TMEM243: variants seen among roughly 807,000 people sequenced by gnomAD.
TMEM243 encodes transmembrane protein 243.
A neutral mutation model predicts 15.0 loss-of-function variants in TMEM243; 20 were observed. The observed-to-expected ratio is 1.33, with a 90% CI of 0.94 to 1.93. TMEM243 has a LOEUF of 1.93. Among genes scored for constraint, TMEM243 ranks in the 30% most tolerant of loss-of-function variants. The pLI is 0.00. For missense variants in TMEM243, 156 were observed against 142.1 expected (o/e 1.10, Z -0.50); for synonymous variants, 72 against 52.7 (o/e 1.37, Z -1.59).
chr7:87,199,051 T>G lies in TMEM243; in HGVS notation c.85A>C (p.Ile29Leu). The G allele has an allele frequency of 6.2e-7, 1 of 1,606,156 alleles. No homozygotes were observed. The highest frequency in any genetic ancestry group is 8.5e-7 in the Non-Finnish European group (1 of 1,177,406). ...LFGETSAKDR[I>L]INLVVGSLTS... ...AAGCTGCCAACAACTAAATTGATGA[T>G]TCGATCCTGAAAGAGAAAAGAATTT... Residue 29 changes from isoleucine (I) to leucine (L), a missense_variant, in exon 2 of 4, where the codon ATC becomes CTC. Transcript: ENST00000257637.
intron 1 of TMEM243, among the ~76,000 whole-genome samples, chr7:87,218,047 A>T (rs914676592): frequency 6.6e-5 from 10 of 152,256 alleles, no homozygotes; most frequent in African/African-American, 2.2e-4. Flanking sequence ...AGTTCTTGGG[A>T]CAGATGGACA....
Position 87,196,529 on chromosome 7 carries a change from G to GTATCAGACTTCTGCAGGAGATTC in TMEM243, c.*84_*106dup, listed in dbSNP as rs1801252966. On this transcript the variant is annotated 3_prime_UTR_variant, in exon 4 of 4. Transcript: ENST00000257637. ...CATTTACAATTAACATGAAAATCAT[G>GTATCAGACTTCTGCAGGAGATTC]TATCAGACTTCTGCAGGAGATTCTT... 7 of 1,066,258 alleles carry GTATCAGACTTCTGCAGGAGATTC rather than the reference G, an allele frequency of 6.6e-6. No individual in the cohort carries two copies. In the Admixed American group the frequency reaches 1.8e-4, roughly 28 times the overall value. The allele number at this position is 1,066,258 out of a possible 1,614,324, so 66.0% of individuals were successfully genotyped here. A position where few individuals can be genotyped will look rare whatever the true frequency, so the allele number is the denominator to read the frequency against.
chr7:87,215,332 G>C (rs1803027934), intron 1 of TMEM243, among the ~76,000 whole-genome samples: 1 of 152,008 alleles, frequency 6.6e-6, no homozygotes, highest in African/African-American at 2.4e-5. Flanking sequence ...TCAAAATCCT[G>C]GGCTCAAGTG....
chr7:87,200,711 C>T (rs1017615479), intron 1 of TMEM243, among the ~76,000 whole-genome samples: 12 of 152,170 alleles, frequency 7.9e-5, no homozygotes, highest in Non-Finnish European at 1.6e-4. Context: ...ATGACTGTTT[C>T]ACAGGTAGCA....
At chr7:87,200,385 A>G (rs73208535) in intron 1 of TMEM243, among the ~76,000 whole-genome samples, 5,604 of 152,266 alleles carry the variant, frequency 0.037, 126 homozygotes, top group East Asian at 0.065. Flanking sequence ...ACAAGTCACC[A>G]CTCACTTTAA....
Position 87,207,422 on chromosome 7 carries a change from C to T in TMEM243, c.79-8365G>A, listed in dbSNP as rs1244880709. ...CATCCTGGCTAACACGGTGAAACCC[C>T]GTCTCTACTAAAAATACAAAAAAAT... On this transcript the variant is annotated intron_variant, in intron 1 of 3. Coordinates refer to ENST00000257637, the MANE Select transcript of TMEM243 (RefSeq NM_024315.4). 2.5e-4 allele frequency among the ~76,000 whole-genome samples: 5 copies of T among 20,070 alleles called. 2 individuals are homozygous for T. Among genetic ancestry groups the T allele is most frequent in the African/African-American group, 7.0e-4 (4 of 5,706 alleles). The allele number at this position is 20,070 out of a possible 152,430, so 13.2% of individuals were successfully genotyped here.
intron 1 of TMEM243, among the ~76,000 whole-genome samples, chr7:87,211,150 C>T (rs1231119747): frequency 6.6e-6 from 1 of 152,208 alleles, no homozygotes; most frequent in Non-Finnish European, 1.5e-5. Context: ...TATTAACATT[C>T]AGCTCCTCAA....
intron 3 of TMEM243, among the ~76,000 whole-genome samples, chr7:87,197,004 C>T (rs917737241): frequency 3.3e-5 from 5 of 151,980 alleles, no homozygotes; most frequent in African/African-American, 1.2e-4. Context: ...CTGTATACTC[C>T]ACCAGTCATC....
intron 1 of TMEM243, among the ~76,000 whole-genome samples, chr7:87,209,853 A>AGACAGTGAGAGAGC (rs1351396957): frequency 8.8e-5 from 11 of 124,398 alleles, no homozygotes; most frequent in Non-Finnish European, 1.3e-4. Flanking sequence ...AGTGAGAGCG[A>AGACAGTGAGAGAGC]GAGAGAGAGA....
chr7:87,219,772 C>T, upstream of TMEM243: 1 of 474,510 alleles, frequency 2.1e-6, no homozygotes, highest in Non-Finnish European at 3.8e-6. Flanking sequence ...CTCAGCGGGA[C>T]GCCCCCGCCC....
chr7:87,198,833 T>C (rs1172297869), intron 2 of TMEM243, 174 bp downstream of exon 2: 1 of 557,790 alleles, frequency 1.8e-6, no homozygotes, highest in Non-Finnish European at 3.1e-6. Context: ...CCATTTCACA[T>C]ATTCAACCTG....
At chr7:87,203,716 A>G (rs1348028908) in intron 1 of TMEM243, among the ~76,000 whole-genome samples, 2 of 152,194 alleles carry the variant, frequency 1.3e-5, no homozygotes, top group Non-Finnish European at 2.9e-5. Flanking sequence ...TTTAAGTTCT[A>G]ACTAATAATA....
chr7:87,198,379 C>T (rs1801530155), intron 2 of TMEM243: 1 of 227,986 alleles, frequency 4.4e-6, no homozygotes, highest in Non-Finnish European at 8.5e-6. Flanking sequence ...ATATTTCTAG[C>T]AAAATGAATA....
rs201447298 is a variant in TMEM243 at position 87,209,597 on chromosome 7, TGAGA to T, written c.78+9825_78+9828del. The stretch of plus-strand genomic sequence containing the variant: ...GACAGTGAGAGAGACAGTGAGACAG[TGAGA>T]GAGAGAGAGACAGAGAGAGAGACTG... On this transcript the variant is annotated intron_variant, in intron 1 of 3. Coordinates refer to ENST00000257637, the MANE Select transcript of TMEM243 (RefSeq NM_024315.4). 3.0e-3 allele frequency among the ~76,000 whole-genome samples: 292 copies of T among 97,472 alleles called. 4 individuals carry two copies. Among genetic ancestry groups the T allele is most frequent in the Middle Eastern group, 7.1e-3 (1 of 140 alleles). The allele number at this position is 97,472 out of a possible 152,430, so 63.9% of individuals were successfully genotyped here.
intron 1 of TMEM243, chr7:87,199,337 A>G (rs1801615615): frequency 5.6e-6 from 2 of 355,564 alleles, no homozygotes; most frequent in African/African-American, 2.1e-5. Context: ...GAGGCTTACA[A>G]ATAATGCATG....
intron 1 of TMEM243, among the ~76,000 whole-genome samples, chr7:87,211,131 T>A (rs921169350): frequency 6.6e-6 from 1 of 152,218 alleles, no homozygotes; most frequent in Admixed American, 6.5e-5. Context: ...TTTTCCCCAT[T>A]GTCTTACCTA....
At chr7:87,197,202 A>G (rs1801359004) in intron 3 of TMEM243, among the ~76,000 whole-genome samples, 1 of 152,110 alleles carries the variant, frequency 6.6e-6, no homozygotes, top group African/African-American at 2.4e-5. Flanking sequence ...GAAAGCTCCC[A>G]AAGTGGGATG....
At chr7:87,200,798 G>A (rs1367299297) in intron 1 of TMEM243, among the ~76,000 whole-genome samples, 2 of 152,086 alleles carry the variant, frequency 1.3e-5, no homozygotes, top group East Asian at 3.9e-4. Flanking sequence ...TCAGTGCCAG[G>A]CCTCCTTTCC....
intron 1 of TMEM243, among the ~76,000 whole-genome samples, chr7:87,212,055 C>T (rs1005562995): frequency 6.6e-6 from 1 of 152,156 alleles, no homozygotes; most frequent in Non-Finnish European, 1.5e-5. Flanking sequence ...TTAAAAGTTA[C>T]AACTTTTAAG....
Sources: allele counts gnomAD v4.1 joint callset (sites outside exome capture counted in the v4.1 genomes callset), GRCh38; gene constraint gnomAD v4.1.1; transcripts MANE v1.5; gene names NCBI Gene and HGNC (gene_info 2026-07-23, HGNC 2026-07-21).